SMC1B: variants seen among roughly 807,000 people sequenced by gnomAD.
SMC1B encodes the protein structural maintenance of chromosomes protein 1B.
SMC1B carries 60 observed loss-of-function variants against 157.9 expected under a neutral mutation model. The observed-to-expected ratio is 0.38, with a 90% CI of 0.31 to 0.47. SMC1B has a LOEUF of 0.47. SMC1B is among the 20% of genes least tolerant of loss of function. The probability of loss-of-function intolerance (pLI) is 0.99; values close to 1 mark genes in which losing one functional copy is unlikely to be tolerated. For synonymous variants in SMC1B, 445 were observed against 483.0 expected (o/e 0.92, Z 1.03); for missense variants, 1,165 against 1,426.2 (o/e 0.82, Z 2.95).
At chr22:45,394,985 A>G (rs1273826005) in intron 7 of SMC1B, among the ~76,000 whole-genome samples, 1 of 152,238 alleles carries the variant, frequency 6.6e-6, no homozygotes, top group East Asian at 1.9e-4. Context: ...TTCTCTCTGT[A>G]ACTTCAAACT....
At chr22:45,398,197 C>G (rs1319343224) in intron 6 of SMC1B, among the ~76,000 whole-genome samples, 4 of 152,298 alleles carry the variant, frequency 2.6e-5, no homozygotes, top group Non-Finnish European at 5.9e-5. Context: ...TCAGGAGCAC[C>G]CTTGCCTGGG....
intron 23 of SMC1B, among the ~76,000 whole-genome samples, chr22:45,348,369 T>C (rs1050855057): frequency 2.6e-5 from 4 of 152,152 alleles, no homozygotes; most frequent in African/African-American, 4.8e-5. Flanking sequence ...CTTGGTAACA[T>C]GGTGAAACCC....
At chr22:45,352,629 A>G (rs774959664) in intron 21 of SMC1B, 27 bp from the exon 22 acceptor site, 29 of 1,569,458 alleles carry the variant, frequency 1.8e-5, no homozygotes, top group South Asian at 1.7e-4. Flanking sequence ...TTATTTAGCA[A>G]TATCAGAAAA....
chr22:45,399,088 T>G lies in SMC1B; in HGVS notation c.1113+7A>C. The G allele has an allele frequency of 1.9e-6, 3 of 1,609,286 alleles. No individual in the cohort carries two copies. Among genetic ancestry groups the G allele is most frequent in the Non-Finnish European group, 2.5e-6 (3 of 1,179,040 alleles). On this transcript the variant is annotated splice_region_variant and intron_variant, in intron 6 of 24. Coordinates refer to ENST00000357450, the MANE Select transcript of SMC1B (RefSeq NM_148674.5). ...CACAAGATTTCCCCTAAGTTGTCCTTTTTTACCTGACTGGCTTCCAGTTCA... is the reference window on the plus strand; with the variant it reads ...CACAAGATTTCCCCTAAGTTGTCCTGTTTTACCTGACTGGCTTCCAGTTCA...
At chr22:45,395,470 C>T (rs1278978460) in intron 7 of SMC1B, among the ~76,000 whole-genome samples, 1 of 152,170 alleles carries the variant, frequency 6.6e-6, no homozygotes, top group African/African-American at 2.4e-5. Flanking sequence ...ACAATGGACA[C>T]AATTAGAATC....
intron 23 of SMC1B, 24 bp downstream of exon 23, chr22:45,349,704 T>C (rs1307612956): frequency 6.3e-7 from 1 of 1,588,448 alleles, no homozygotes; most frequent in Middle Eastern, 1.7e-4. Context: ...GACAGTCTAT[T>C]GAAAATGAAA....
intron 2 of SMC1B, among the ~76,000 whole-genome samples, chr22:45,408,300 T>C (rs990134661): frequency 6.6e-6 from 1 of 152,148 alleles, no homozygotes; most frequent in African/African-American, 2.4e-5. Flanking sequence ...TAATTTTTTG[T>C]ATTTTTAGTA....
intron 19 of SMC1B, among the ~76,000 whole-genome samples, chr22:45,356,747 T>G (rs2086674268): frequency 6.7e-6 from 1 of 148,942 alleles, no homozygotes; most frequent in Non-Finnish European, 1.5e-5. Flanking sequence ...TTTTTTTTTT[T>G]GAGACAGAGT....
chr22:45,361,650 C>G (rs1208343628), intron 17 of SMC1B, among the ~76,000 whole-genome samples, 189 bp downstream of exon 17: 1 of 152,156 alleles, frequency 6.6e-6, no homozygotes, highest in African/African-American at 2.4e-5. Flanking sequence ...ACTATTTGCT[C>G]TAAACAACTA....
At chr22:45,356,070 AAAAAC>A (rs1200529543) in intron 19 of SMC1B, among the ~76,000 whole-genome samples, 1 of 152,210 alleles carries the variant, frequency 6.6e-6, no homozygotes, top group Non-Finnish European at 1.5e-5. Flanking sequence ...ACTCCGTCTC[AAAAAC>A]AAAACAAAAA....
chr22:45,379,254 T>C (rs1016946400), intron 12 of SMC1B, among the ~76,000 whole-genome samples: 2 of 152,248 alleles, frequency 1.3e-5, no homozygotes, highest in Non-Finnish European at 2.9e-5. Flanking sequence ...CCTCCCAAAG[T>C]GTTGGGATTA....
intron 23 of SMC1B, among the ~76,000 whole-genome samples, chr22:45,349,451 C>T (rs2086587380): frequency 2.8e-5 from 1 of 35,656 alleles, no homozygotes; most frequent in Non-Finnish European, 6.2e-5. Flanking sequence ...ATTCTCCTGC[C>T]TCAGCTCCTG....
intron 4 of SMC1B, among the ~76,000 whole-genome samples, chr22:45,405,303 G>A (rs961504836): frequency 3.9e-5 from 6 of 152,118 alleles, no homozygotes; most frequent in Admixed American, 2.0e-4. Flanking sequence ...GCTCACGCCT[G>A]TAATCCCAGC....
Position 45,401,304 on chromosome 22 carries a change from T to C in SMC1B, c.854+1029A>G, listed in dbSNP as rs1482921775. Among the ~76,000 whole-genome samples, 3 of 152,218 alleles carry C rather than the reference T, an allele frequency of 2.0e-5. No homozygotes were observed. In the East Asian group the frequency reaches 5.8e-4, roughly 29 times the overall value. The stretch of plus-strand genomic sequence containing the variant: ...TTAACGAAAAGCAGCCCCAAAATCA[T>C]TTCTTTTCTAACAAAGAGGAGCCTG... On this transcript the variant is annotated intron_variant, in intron 5 of 24. Coordinates refer to ENST00000357450, the MANE Select transcript of SMC1B (RefSeq NM_148674.5).
chr22:45,345,834 T>TAA (rs897765567), intron 23 of SMC1B, among the ~76,000 whole-genome samples: 2 of 152,304 alleles, frequency 1.3e-5, no homozygotes, highest in African/African-American at 4.8e-5. Flanking sequence ...TGTGAATAGG[T>TAA]AACCAGCCTT....
intron 12 of SMC1B, among the ~76,000 whole-genome samples, chr22:45,376,258 C>A (rs530057190): frequency 6.6e-6 from 1 of 152,272 alleles, no homozygotes; most frequent in South Asian, 2.1e-4. Flanking sequence ...AACCACTGGC[C>A]TCCTTTCTGT....
chr22:45,348,718 G>GTTTTTTT (rs59086824), intron 23 of SMC1B, among the ~76,000 whole-genome samples: 2 of 148,124 alleles, frequency 1.4e-5, no homozygotes, highest in Non-Finnish European at 3.0e-5. Flanking sequence ...CAAAAGGACT[G>GTTTTTTT]TTTTTTTTGT....
intron 23 of SMC1B, among the ~76,000 whole-genome samples, chr22:45,347,830 G>A (rs1199688826): frequency 4.6e-5 from 7 of 152,158 alleles, no homozygotes; most frequent in South Asian, 2.1e-4. Flanking sequence ...GTAAGCAGCC[G>A]TTAATGCAAA....
intron 14 of SMC1B, among the ~76,000 whole-genome samples, chr22:45,370,365 T>G (rs1250334239): frequency 6.6e-6 from 1 of 152,178 alleles, no homozygotes; most frequent in Non-Finnish European, 1.5e-5. Context: ...ACAAAAATAT[T>G]ACATTCTACA....
Sources: gnomAD v4.1 joint callset for allele counts (sites outside exome capture counted in the v4.1 genomes callset) on GRCh38, gnomAD v4.1.1 for gene constraint, MANE v1.5 for transcripts, NCBI Gene and HGNC (gene_info 2026-07-23, HGNC 2026-07-21) for gene names.